Variants in ARHGEF3 observed in about 807,000 individuals in gnomAD.
ARHGEF3 encodes 59.8 kDA protein.
ARHGEF3 carries 28 observed loss-of-function variants against 63.2 expected under a neutral mutation model. That is an observed-to-expected ratio of 0.44 (90% CI 0.33 to 0.61). ARHGEF3 has a LOEUF of 0.61. Among genes scored for constraint, ARHGEF3 ranks in the 20% least tolerant of loss-of-function variants. The pLI is 0.03. For synonymous variants in ARHGEF3, 266 were observed against 254.2 expected (o/e 1.05, Z -0.44); for missense variants, 533 against 659.3 (o/e 0.81, Z 2.10).
At chr3:56,729,930 A>G (rs1407684638) in intron 9 of ARHGEF3, among the ~76,000 whole-genome samples, 1 of 152,198 alleles carries the variant, frequency 6.6e-6, no homozygotes, top group African/African-American at 2.4e-5. Context: ...ATCTGGCTGC[A>G]TAACAAAATC....
At chr3:57,061,908 T>C (rs1705242098) in intron 1 of ARHGEF3, among the ~76,000 whole-genome samples, 2 of 152,208 alleles carry the variant, frequency 1.3e-5, no homozygotes, top group South Asian at 4.1e-4. Flanking sequence ...TGAGCCCGCA[T>C]AGGTTCAGAT....
At chr3:56,936,715 T>C (rs1698923552) in intron 3 of ARHGEF3, among the ~76,000 whole-genome samples, 1 of 152,154 alleles carries the variant, frequency 6.6e-6, no homozygotes, top group South Asian at 2.1e-4. Context: ...TGAGACACAT[T>C]CCAAAGTTCC....
At chr3:56,814,366 T>C (rs1578583819) in intron 4 of ARHGEF3, among the ~76,000 whole-genome samples, 2 of 152,298 alleles carry the variant, frequency 1.3e-5, no homozygotes, top group South Asian at 4.1e-4. Context: ...CCCAAGACAA[T>C]TCTTCTTCCA....
At chr3:56,872,075 T>C (rs963869208) in intron 4 of ARHGEF3, among the ~76,000 whole-genome samples, 4 of 152,240 alleles carry the variant, frequency 2.6e-5, no homozygotes, top group Non-Finnish European at 5.9e-5. Context: ...AAGAAGCACA[T>C]GCTCTAACCA....
At chr3:57,023,342 C>T (rs570887744) in intron 2 of ARHGEF3, among the ~76,000 whole-genome samples, 1 of 152,174 alleles carries the variant, frequency 6.6e-6, no homozygotes, top group Non-Finnish European at 1.5e-5. Context: ...TCCAAGCTAT[C>T]CACTCACTTA....
At chr3:57,066,380 G>C (rs762053681) in intron 1 of ARHGEF3, among the ~76,000 whole-genome samples, 4 of 151,868 alleles carry the variant, frequency 2.6e-5, no homozygotes, top group Non-Finnish European at 4.4e-5. Context: ...ACCTGCCTCA[G>C]CCTCCCAAGT....
At chr3:56,873,877 C>T (rs568661505) in intron 4 of ARHGEF3, among the ~76,000 whole-genome samples, 1 of 152,246 alleles carries the variant, frequency 6.6e-6, no homozygotes, top group Non-Finnish European at 1.5e-5. Flanking sequence ...GCACAAGCAC[C>T]TTCATTTAAC....
At chr3:56,781,547 C>T (rs2036569026) in intron 1 of ARHGEF3, among the ~76,000 whole-genome samples, 1 of 152,200 alleles carries the variant, frequency 6.6e-6, no homozygotes, top group Admixed American at 6.5e-5. Flanking sequence ...CACCCGGCCT[C>T]TGCTGACATT....
intron 2 of ARHGEF3, among the ~76,000 whole-genome samples, chr3:57,027,368 T>A (rs1045817355): frequency 5.9e-5 from 9 of 152,178 alleles, no homozygotes; most frequent in Admixed American, 4.6e-4. Context: ...TGGCTCCCAA[T>A]GCCCACCCTT....
intron 2 of ARHGEF3, among the ~76,000 whole-genome samples, chr3:56,973,772 G>C (rs1209152385): frequency 2.0e-5 from 3 of 152,142 alleles, no homozygotes; most frequent in East Asian, 1.9e-4. Flanking sequence ...TGGAGAAAGA[G>C]AGCTTAGAGA....
At chr3:56,846,401 G>A (rs187778001) in intron 4 of ARHGEF3, among the ~76,000 whole-genome samples, 10 of 133,826 alleles carry the variant, frequency 7.5e-5, no homozygotes, top group Admixed American at 2.9e-4. Context: ...CAAGTGCAAC[G>A]ACAAGTAACA....
At chr3:57,062,892 T>C (rs371546447) in intron 1 of ARHGEF3, among the ~76,000 whole-genome samples, 1 of 152,192 alleles carries the variant, frequency 6.6e-6, no homozygotes, top group East Asian at 1.9e-4. Flanking sequence ...ACTGGGGACA[T>C]GACAGGGAAC....
At chr3:56,992,396 A>AT (rs1560113664) in intron 2 of ARHGEF3, among the ~76,000 whole-genome samples, 3 of 126,784 alleles carry the variant, frequency 2.4e-5, no homozygotes, top group Non-Finnish European at 3.2e-5. Flanking sequence ...AAAAAAAAAA[A>AT]AAAAAAAAAA....
chr3:57,010,325 G>A (rs766915132), intron 2 of ARHGEF3, among the ~76,000 whole-genome samples: 14 of 151,944 alleles, frequency 9.2e-5, no homozygotes, highest in Admixed American at 2.0e-4. Context: ...GCGTGGTGGC[G>A]GGTGCCTGTA....
intron 1 of ARHGEF3, among the ~76,000 whole-genome samples, chr3:56,794,488 C>CAAAAAAAAAAAAAAAAAAAAAAAAAA (rs10557985): frequency 2.6e-5 from 3 of 116,934 alleles, no homozygotes; most frequent in African/African-American, 9.6e-5. Flanking sequence ...GACTCTATCT[C>CAAAAAAAAAAAAAAAAAAAAAAAAAA]AAAAAAAAAA....
intron 4 of ARHGEF3, among the ~76,000 whole-genome samples, chr3:56,881,999 A>AGTATT (rs1260265226): frequency 6.6e-6 from 1 of 152,210 alleles, no homozygotes; most frequent in African/African-American, 2.4e-5. Context: ...CAGCCTCTAA[A>AGTATT]AGAGTACACT....
At chr3:57,021,432 G>C (rs186844401) in intron 2 of ARHGEF3, among the ~76,000 whole-genome samples, 20 of 152,306 alleles carry the variant, frequency 1.3e-4, no homozygotes, top group African/African-American at 4.8e-4. Context: ...TACAAAGCAA[G>C]AGGAACTCTA....
intron 2 of ARHGEF3, among the ~76,000 whole-genome samples, chr3:56,981,491 C>A (rs1223770613): frequency 6.6e-6 from 1 of 152,156 alleles, no homozygotes; most frequent in Non-Finnish European, 1.5e-5. Flanking sequence ...TCCTTCACGG[C>A]TTCCTCAGCA....
At chr3:57,016,855 A>C (rs1703026450) in intron 2 of ARHGEF3, among the ~76,000 whole-genome samples, 1 of 152,070 alleles carries the variant, frequency 6.6e-6, no homozygotes. Flanking sequence ...TATGATAAGC[A>C]GGTGTCAGGA....
Sources: allele counts gnomAD v4.1 joint callset (sites outside exome capture counted in the v4.1 genomes callset), GRCh38; gene constraint gnomAD v4.1.1; transcripts MANE v1.5; gene names NCBI Gene and HGNC (gene_info 2026-07-23, HGNC 2026-07-21).